Variants in GUCY1B1 observed in about 807,000 individuals in gnomAD.
The protein encoded by GUCY1B1 is guanylate cyclase soluble subunit beta-1.
Under a neutral mutation model 71.0 loss-of-function variants are expected in GUCY1B1, and 43 were observed. The observed-to-expected ratio is 0.61, with a 90% confidence interval of 0.47 to 0.78. The LOEUF (loss-of-function observed/expected upper bound fraction) is 0.78, where lower values mean the gene tolerates loss of function less well. Among genes scored for constraint, GUCY1B1 ranks in the 30% least tolerant of loss-of-function variants. The pLI is 0.00. For missense variants in GUCY1B1, 535 were observed against 754.1 expected (o/e 0.71, Z 3.40); for synonymous variants, 266 against 259.7 (o/e 1.02, Z -0.23).
In GUCY1B1 at chr4:155,795,326, C is replaced by G. The variant is rs1165901806; in HGVS notation, c.727-15C>G. ...TAACTGATGTGATACTCTTTGCTCTCTATCTATATTTTAGCTCCAGCCTGG... is the reference window on the plus strand; with the variant it reads ...TAACTGATGTGATACTCTTTGCTCTGTATCTATATTTTAGCTCCAGCCTGG... On this transcript the variant is annotated splice_polypyrimidine_tract_variant and intron_variant, in intron 6 of 13. Transcript: ENST00000264424. 1.5e-6 allele frequency: 2 copies of G among 1,360,078 alleles called. No homozygotes were observed. Among genetic ancestry groups the G allele is most frequent in the East Asian group, 2.3e-5 (1 of 43,562 alleles). 84.3% of individuals were successfully genotyped at this position (1,360,078 alleles called of 1,614,324 possible).
chr4:155,772,846 A>G, intron 2 of GUCY1B1: 1 of 698,768 alleles, frequency 1.4e-6, no homozygotes, highest in South Asian at 1.5e-5. Context: ...AAAAAAAGTT[A>G]TGAATAAATG....
intron 9 of GUCY1B1, among the ~76,000 whole-genome samples, chr4:155,801,575 A>G (rs1739953959): frequency 6.6e-6 from 1 of 152,196 alleles, no homozygotes; most frequent in African/African-American, 2.4e-5. Flanking sequence ...AACTTCCCAC[A>G]TATGCCCTTT....
At chr4:155,804,421 T>TA (rs1303728822) in intron 11 of GUCY1B1, among the ~76,000 whole-genome samples, 172 bp from the exon 12 acceptor site, 2 of 151,932 alleles carry the variant, frequency 1.3e-5, no homozygotes, top group Non-Finnish European at 2.9e-5. Context: ...GTGCGGGGCT[T>TA]AAAACCTAGA....
At chr4:155,800,878 G>A (rs942428588) in intron 9 of GUCY1B1, among the ~76,000 whole-genome samples, 1 of 152,070 alleles carries the variant, frequency 6.6e-6, no homozygotes, top group African/African-American at 2.4e-5. Context: ...AACGTTCAAA[G>A]TCACATGGGT....
chr4:155,771,318 T>G (rs1458658060), intron 2 of GUCY1B1, among the ~76,000 whole-genome samples: 3 of 152,210 alleles, frequency 2.0e-5, no homozygotes, highest in African/African-American at 7.2e-5. Context: ...GAGCTTATTT[T>G]AATAAAGAGA....
rs756120399 is a variant in GUCY1B1 at position 155,793,901 on chromosome 4, A to G, written c.541A>G (p.Ile181Val). ...NEECDHTQFL[I>V]EEKESKEEDF... ...AGAATGTGATCATACTCAATTTTTAATTGAAGAAAAAGAGTCAAAAGAAGA... is the reference window on the plus strand; with the variant it reads ...AGAATGTGATCATACTCAATTTTTAGTTGAAGAAAAAGAGTCAAAAGAAGA... Residue 181 changes from isoleucine to valine, a missense_variant, in exon 6 of 14, where the codon ATT (isoleucine) becomes GTT (valine). By Grantham distance (29) the Ile-to-Val change is conservative (BLOSUM62 3). Transcript: ENST00000264424. 6.3e-7 allele frequency: 1 copy of G among 1,579,052 alleles called. No homozygotes were observed. The highest frequency in any genetic ancestry group is 1.3e-5 in the African/African-American group (1 of 74,304).
intron 8 of GUCY1B1, among the ~76,000 whole-genome samples, chr4:155,797,652 C>T (rs577119215): frequency 6.6e-6 from 1 of 151,222 alleles, no homozygotes; most frequent in Non-Finnish European, 1.5e-5. Flanking sequence ...GCAGGAGAGT[C>T]GCTTGAACCT....
At chr4:155,787,085 A>G (rs1279413479) in intron 4 of GUCY1B1, among the ~76,000 whole-genome samples, 1 of 152,104 alleles carries the variant, frequency 6.6e-6, no homozygotes, top group Admixed American at 6.5e-5. Flanking sequence ...GTTTCACAAC[A>G]TAAGTAGAAG....
At chr4:155,790,283 T>G (rs531054743) in intron 5 of GUCY1B1, among the ~76,000 whole-genome samples, 42 of 152,204 alleles carry the variant, frequency 2.8e-4, no homozygotes, top group African/African-American at 9.2e-4. Context: ...AATATAAAAT[T>G]AAGTATTATT....
At chr4:155,805,579 C>G (rs1477457041) in intron 13 of GUCY1B1, among the ~76,000 whole-genome samples, 3 of 152,034 alleles carry the variant, frequency 2.0e-5, no homozygotes, top group African/African-American at 7.2e-5. Flanking sequence ...CCTCAGCTCT[C>G]TAAGTTGGCT....
At chr4:155,796,220 T>C (rs1739543913) in intron 7 of GUCY1B1, among the ~76,000 whole-genome samples, 157 bp from the exon 8 acceptor site, 1 of 152,238 alleles carries the variant, frequency 6.6e-6, no homozygotes, top group Non-Finnish European at 1.5e-5. Context: ...ACTAGGCTTA[T>C]TACAGGCAGA....
chr4:155,760,192 G>T (rs1457426876), intron 2 of GUCY1B1, among the ~76,000 whole-genome samples: 7 of 152,174 alleles, frequency 4.6e-5, no homozygotes, highest in Non-Finnish European at 8.8e-5. Flanking sequence ...CGCGTGCAGA[G>T]CCCCGAGGGA....
At chr4:155,765,897 A>G (rs1737301447) in intron 2 of GUCY1B1, among the ~76,000 whole-genome samples, 1 of 152,192 alleles carries the variant, frequency 6.6e-6, no homozygotes, top group Non-Finnish European at 1.5e-5. Flanking sequence ...TGAGATGTCA[A>G]AGCAAATGTC....
Position 155,795,445 on chromosome 4 carries a change from A to G in GUCY1B1, c.831A>G (p.Val277=). 6.9e-7 allele frequency: 1 copy of G among 1,453,272 alleles called. No homozygotes were observed. Among genetic ancestry groups the G allele is most frequent in the Middle Eastern group, 1.7e-4 (1 of 5,732 alleles). 90.0% of individuals were successfully genotyped at this position (1,453,272 alleles called of 1,614,324 possible). ...GILSHINTVF[V]LRSKEGLLDV... ...TTTCTCACATCAATACTGTTTTTGT[A>G]TTGAGAAGCAAGGTAATCAAGATAT... is the stretch of plus-strand genomic sequence containing the variant. The change falls in exon 7 of 14, where the codon GTA becomes GTG. Residue 277 remains valine, a synonymous_variant. Coordinates refer to ENST00000264424, the MANE Select transcript of GUCY1B1 (RefSeq NM_000857.5).
chr4:155,802,564 C>T lies in GUCY1B1; in HGVS notation c.1398C>T (p.Asn466=). 1 of 1,600,294 alleles carries T rather than the reference C, an allele frequency of 6.2e-7. No individual in the cohort carries two copies. The highest frequency in any genetic ancestry group is 8.5e-7 in the Non-Finnish European group (1 of 1,173,538). ...RFDTLTDSRK[N]PFVYKVETVG... ...ACACACTGACTGATTCCCGGAAAAA[C>T]CCATTTGTTTATAAGGCAAGTGTTC... Residue 466 remains asparagine (N), a synonymous_variant, in exon 10 of 14, where the codon AAC becomes AAT. Transcript: ENST00000264424. This position sits in a 1 kb window ranked among gnomAD's most constrained non-coding sequence, Gnocchi z 4.3.
intron 2 of GUCY1B1, among the ~76,000 whole-genome samples, chr4:155,773,845 G>T (rs910327349): frequency 3.3e-5 from 5 of 152,066 alleles, no homozygotes; most frequent in Admixed American, 3.3e-4. Flanking sequence ...CCGCCACCAC[G>T]CCAGGCTAAT....
intron 3 of GUCY1B1, among the ~76,000 whole-genome samples, chr4:155,775,709 A>C (rs985119276): frequency 1.3e-5 from 2 of 152,238 alleles, no homozygotes; most frequent in African/African-American, 4.8e-5. Flanking sequence ...ATTCAAGTAT[A>C]ATATGTGTTT....
chr4:155,788,427 A>G (rs2100735), intron 4 of GUCY1B1, among the ~76,000 whole-genome samples: 101,601 of 152,068 alleles, frequency 0.67, 35,279 homozygotes, highest in African/African-American at 0.85. Context: ...GTCATTGCAC[A>G]TCTCTCTGTC....
rs1430288422 is a variant in GUCY1B1 at position 155,807,445 on chromosome 4, A to G, written c.*1036A>G. On this transcript the variant is annotated 3_prime_UTR_variant, in exon 14 of 14. Coordinates refer to ENST00000264424, the MANE Select transcript of GUCY1B1 (RefSeq NM_000857.5). ...TAAATGTCTCTGATAACTTATTAAT[A>G]TCTATCTTTATAAAATAGAGTGCAA... is the stretch of plus-strand genomic sequence containing the variant. 6.6e-6 allele frequency: 1 copy of G among 152,182 alleles called. No individual in the cohort carries two copies. Among genetic ancestry groups the G allele is most frequent in the Non-Finnish European group, 1.5e-5 (1 of 68,026 alleles). 9.4% of individuals were successfully genotyped at this position (152,182 alleles called of 1,614,324 possible).
Sources: allele counts gnomAD v4.1 joint callset (sites outside exome capture counted in the v4.1 genomes callset), GRCh38; gene constraint gnomAD v4.1.1; non-coding constraint Gnocchi (gnomAD v3.1); transcripts MANE v1.5; gene names NCBI Gene and HGNC (gene_info 2026-07-23, HGNC 2026-07-21).